Variants in PER3 observed in about 807,000 individuals in gnomAD.
The protein encoded by PER3 is period circadian protein homolog 3.
PER3 carries 107 observed loss-of-function variants against 127.2 expected under a neutral mutation model. The observed-to-expected ratio is 0.84, with a 90% CI of 0.72 to 0.99. The LOEUF is 0.99. PER3 is among the 50% of genes least tolerant of loss of function. PER3 has a pLI of 0.00. For synonymous variants in PER3, 618 were observed against 585.8 expected (o/e 1.05, Z -0.79); for missense variants, 1,560 against 1,525.8 (o/e 1.02, Z -0.37).
chr1:7,835,064 A>T (rs1302679209), intron 19 of PER3, among the ~76,000 whole-genome samples: 1 of 152,126 alleles, frequency 6.6e-6, no homozygotes, highest in Non-Finnish European at 1.5e-5. Flanking sequence ...TTGCTTTCTG[A>T]TGGCTTCTTT....
At chr1:7,830,614 C>T (rs1444317426) in intron 19 of PER3, among the ~76,000 whole-genome samples, 1 of 152,190 alleles carries the variant, frequency 6.6e-6, no homozygotes, top group Non-Finnish European at 1.5e-5. Flanking sequence ...CGCTCAATAG[C>T]ATTTATAGCT....
intron 8 of PER3, among the ~76,000 whole-genome samples, chr1:7,802,845 G>T (rs1212737912): frequency 6.6e-6 from 1 of 152,222 alleles, no homozygotes; most frequent in African/African-American, 2.4e-5. Flanking sequence ...GATGTAATGT[G>T]TCAGATGACC....
Position 7,827,157 on chromosome 1 carries a change from G to A in PER3, c.2228G>A (p.Arg743Lys), listed in dbSNP as rs1310572928. 4.3e-6 allele frequency: 7 copies of A among 1,609,854 alleles called. No individual in the cohort carries two copies. Among genetic ancestry groups the A allele is most frequent in the South Asian group, 1.1e-5 (1 of 90,674 alleles). The change falls in exon 18 of 22, where the codon AGG (arginine) becomes AAG (lysine). Residue 743 changes from arginine to lysine, a missense_variant. Around this residue, in one of 3 missense-constraint regions of PER3, gnomAD observed 1,332 missense variants for 1,223.6 expected, o/e 1.09. Transcript: ENST00000377532. The stretch of plus-strand genomic sequence containing the variant: ...AAGCAGACGCGGTCGGCCGGCTGCA[G>A]GAAAGGGAAGCACAAGCGGAAGAAG... ...TSKQTRSAGC[R>K]KGKHKRKKLP...
At chr1:7,806,776 A>C (rs2097194385) in intron 10 of PER3, among the ~76,000 whole-genome samples, 1 of 140,530 alleles carries the variant, frequency 7.1e-6, no homozygotes, top group African/African-American at 2.7e-5. Flanking sequence ...GCTGGGCAGC[A>C]GAGCAAGACC....
Position 7,809,998 on chromosome 1 carries a change from G to A in PER3, c.1348G>A (p.Val450Met), listed in dbSNP as rs763019326. 3.7e-6 allele frequency: 6 copies of A among 1,613,992 alleles called. No individual in the cohort carries two copies. Among genetic ancestry groups the A allele is most frequent in the Non-Finnish European group, 5.1e-6 (6 of 1,179,884 alleles). ...ASSSEASGHR[V>M]EETKAEQMTL... ...CTCCAGTGAGGCCAGTGGGCACCGTGTGGAGGAGACGAAGGCGGAGCAGGT... is the reference window on the plus strand; with the variant it reads ...CTCCAGTGAGGCCAGTGGGCACCGTATGGAGGAGACGAAGGCGGAGCAGGT... Residue 450 changes from valine (V) to methionine (M), a missense_variant, in exon 12 of 22, where the codon GTG (valine) becomes ATG (methionine). Around this residue, in one of 3 missense-constraint regions of PER3, gnomAD observed 1,332 missense variants for 1,223.6 expected, o/e 1.09. Transcript: ENST00000377532.
chr1:7,784,642 T>G lies in PER3; in HGVS notation c.-224-12T>G, dbSNP rs1262318706. The G allele has an allele frequency of 4.7e-6, 2 of 421,824 alleles. No homozygotes were observed. Among genetic ancestry groups the G allele is most frequent in the Admixed American group, 4.6e-5 (1 of 21,788 alleles). The allele number at this position is 421,824 out of a possible 1,614,324, so 26.1% of individuals were successfully genotyped here. On this transcript the variant is annotated splice_polypyrimidine_tract_variant and intron_variant, in intron 1 of 21. Transcript: ENST00000377532. Reference sequence around the variant, plus strand: ...CCATTTGTCCCTTGTCACCCTTGTCTCCTCCCCCTAGGCCGGAGTCCTGAA... The same window carrying G: ...CCATTTGTCCCTTGTCACCCTTGTCGCCTCCCCCTAGGCCGGAGTCCTGAA...
intron 19 of PER3, among the ~76,000 whole-genome samples, chr1:7,833,402 T>C (rs2097342142): frequency 6.6e-6 from 1 of 152,252 alleles, no homozygotes; most frequent in African/African-American, 2.4e-5. Context: ...TTTTTTCTTA[T>C]AGTGCAGTGA....
chr1:7,834,196 A>G (rs1356014385), intron 19 of PER3, among the ~76,000 whole-genome samples: 1 of 152,224 alleles, frequency 6.6e-6, no homozygotes, highest in Admixed American at 6.5e-5. Flanking sequence ...CTGGCATTAC[A>G]GGTGTGAGCC....
Position 7,826,370 on chromosome 1 carries a change from C to A in PER3, c.1958-110C>A. 1.5e-6 allele frequency: 1 copy of A among 660,324 alleles called. No homozygotes were observed. Among genetic ancestry groups the A allele is most frequent in the Non-Finnish European group, 2.7e-6 (1 of 371,296 alleles). 40.9% of individuals were successfully genotyped at this position (660,324 alleles called of 1,614,324 possible). ...AGGCTAATGAAGATTTTTCGTATTC[C>A]AGCAGTTATAATAATGTTTGTAAAA... On this transcript the variant is annotated intron_variant, in intron 16 of 21. Coordinates refer to ENST00000377532, the MANE Select transcript of PER3 (RefSeq NM_001377275.1). This position sits in a 1 kb window ranked among gnomAD's most constrained non-coding sequence, Gnocchi z 4.2.
At chr1:7,795,128 G>A (rs1048333828) in intron 6 of PER3, among the ~76,000 whole-genome samples, 2 of 152,124 alleles carry the variant, frequency 1.3e-5, no homozygotes, top group Admixed American at 6.5e-5. Context: ...AGGGCACAGC[G>A]GTGGGAGGGG....
chr1:7,792,268 A>G (rs1208443303), intron 5 of PER3, among the ~76,000 whole-genome samples: 4 of 152,150 alleles, frequency 2.6e-5, no homozygotes, highest in Non-Finnish European at 5.9e-5. Context: ...AAGGGGGAAA[A>G]GCCTCTTATA....
At chr1:7,829,795 G>A (rs2097321006) in intron 18 of PER3, 39 bp from the exon 19 acceptor site, 1 of 1,509,666 alleles carries the variant, frequency 6.6e-7, no homozygotes, top group East Asian at 2.3e-5. Context: ...TTTGTGATAA[G>A]AAGATTAAAG....
Position 7,784,748 on chromosome 1 carries a change from C to A in PER3, c.-130C>A. The A allele has an allele frequency of 1.0e-6, 1 of 985,618 alleles. No homozygotes were observed. Among genetic ancestry groups the A allele is most frequent in the Non-Finnish European group, 1.4e-6 (1 of 727,944 alleles). The allele number at this position is 985,618 out of a possible 1,614,324, so 61.1% of individuals were successfully genotyped here. On this transcript the variant is annotated 5_prime_UTR_variant, in exon 2 of 22. Transcript: ENST00000377532. ...AGCGTGACCCCCTGGCTCGTGGTGG[C>A]CGCCTGTTCTCACTAACGCCATGGC...
At chr1:7,787,164 C>G in intron 4 of PER3, 1 of 468,196 alleles carries the variant, frequency 2.1e-6, no homozygotes, top group Non-Finnish European at 3.0e-6. Flanking sequence ...ATTCTAATCT[C>G]CGAATTGTTA....
Position 7,844,045 on chromosome 1 carries a change from T to C in PER3, c.*1290T>C. 1.0e-6 allele frequency: 1 copy of C among 1,001,524 alleles called. No homozygotes were observed. Among genetic ancestry groups the C allele is most frequent in the African/African-American group, 1.8e-5 (1 of 56,890 alleles). The allele number at this position is 1,001,524 out of a possible 1,614,324, so 62.0% of individuals were successfully genotyped here. On this transcript the variant is annotated 3_prime_UTR_variant, in exon 22 of 22. Coordinates refer to ENST00000377532, the MANE Select transcript of PER3 (RefSeq NM_001377275.1). ...AACAAACTAATTTATTTTTTTTTCC[T>C]TTTTTTGTTTTTGGTTTTTTATGGT...
At chr1:7,795,682 C>T (rs11808243) in intron 6 of PER3, among the ~76,000 whole-genome samples, 11,774 of 152,260 alleles carry the variant, frequency 0.077, 525 homozygotes, top group Middle Eastern at 0.2. Context: ...CGGGAAAGCA[C>T]GGGCCACACC....
chr1:7,798,222 G>A (rs1452755807), intron 6 of PER3, among the ~76,000 whole-genome samples: 1 of 152,218 alleles, frequency 6.6e-6, no homozygotes, highest in Non-Finnish European at 1.5e-5. Flanking sequence ...CTTCACAGCA[G>A]AAGGGGAAAA....
chr1:7,828,347 A>G (rs1374638218), intron 18 of PER3, among the ~76,000 whole-genome samples: 2 of 152,136 alleles, frequency 1.3e-5, no homozygotes, highest in African/African-American at 2.4e-5. Context: ...TTTTTTCAAA[A>G]CCAAAAGCTT....
intron 4 of PER3, 40 bp downstream of exon 4, chr1:7,786,876 T>A (rs1558374964): frequency 3.5e-6 from 4 of 1,159,064 alleles, no homozygotes; most frequent in Non-Finnish European, 3.9e-6. Flanking sequence ...CCTGGGTGAC[T>A]TTTCCTAAGG....
Sources: allele counts gnomAD v4.1 joint callset (sites outside exome capture counted in the v4.1 genomes callset), GRCh38; gene constraint gnomAD v4.1.1; regional missense constraint gnomAD v4.1.1; non-coding constraint Gnocchi (gnomAD v3.1); transcripts MANE v1.5; gene names NCBI Gene and HGNC (gene_info 2026-07-23, HGNC 2026-07-21).